The following EP400 variants were observed in gnomAD, a reference collection of about 807,000 sequenced individuals.
EP400 encodes E1A-binding protein p400.
A neutral mutation model predicts 354.1 loss-of-function variants in EP400; 105 were observed. That is an observed-to-expected ratio of 0.30 (90% CI 0.25 to 0.35). EP400 has a LOEUF of 0.35. Ranked by LOEUF, EP400 falls within the 10% of genes least tolerant of loss-of-function variation. The pLI is 1.00. For synonymous variants in EP400, 1,646 were observed against 1,716.9 expected, an observed-to-expected ratio of 0.96 and a Z score of 1.02; for missense variants, 3,280 against 4,121.0, an observed-to-expected ratio of 0.80 and a Z score of 5.59.
intron 2 of EP400, among the ~76,000 whole-genome samples, chr12:131,971,530 T>C (rs1399522334): frequency 1.3e-5 from 2 of 152,214 alleles, no homozygotes; most frequent in African/African-American, 2.4e-5. Context: ...ATGTTCATTC[T>C]ATTTTTAATT....
chr12:132,065,087 C>T, intron 48 of EP400: 1 of 975,542 alleles, frequency 1.0e-6, no homozygotes, highest in Non-Finnish European at 1.5e-6. Context: ...CTCCCAGAGC[C>T]CATCCAGGCA....
chr12:131,983,255 C>T lies in EP400; in HGVS notation c.1929+777C>T, dbSNP rs528862982. Among the ~76,000 whole-genome samples the T allele has an allele frequency of 4.6e-5, 7 of 152,348 alleles. No individual in the cohort carries two copies. In the South Asian group the frequency reaches 1.4e-3, roughly 32 times the overall value. ...GTGCAAAACCATGTTGGACACCACC[C>T]ACCAGACGTGCTCCCTGGACGCCTG... On this transcript the variant is annotated intron_variant, in intron 5 of 52. Coordinates refer to ENST00000389561, the MANE Select transcript of EP400 (RefSeq NM_015409.5).
intron 11 of EP400, 71 bp downstream of exon 11, chr12:131,992,301 C>G (rs1389468389): frequency 7.0e-7 from 1 of 1,428,444 alleles, no homozygotes; most frequent in Non-Finnish European, 9.6e-7. Context: ...GCTGCAGCGA[C>G]TTGGGGTTTA....
chr12:132,043,814 AATTAAAG>A, intron 34 of EP400, 86 bp downstream of exon 34: 1 of 1,244,866 alleles, frequency 8.0e-7, no homozygotes, highest in Non-Finnish European at 1.1e-6. Flanking sequence ...GACTTCATTA[AATTAAAG>A]TCACAAAAGC....
At position 132,077,881 on chromosome 12, in the gene EP400, G is replaced by A. The variant is rs924867031; in HGVS notation, c.*208G>A. 9.0e-6 allele frequency: 6 copies of A among 667,144 alleles called. No individual in the cohort carries two copies. The Admixed American group carries it at 9.9e-5, about 11-fold the overall frequency. 41.3% of individuals were successfully genotyped at this position (667,144 alleles called of 1,614,324 possible). The stretch of plus-strand genomic sequence containing the variant: ...TGGAGTGCCGCGTTCTCTGTACTAC[G>A]TGGCTCATGGAAAAAGTGACAACAT... On this transcript the variant is annotated 3_prime_UTR_variant, in exon 53 of 53. Coordinates refer to ENST00000389561, the MANE Select transcript of EP400 (RefSeq NM_015409.5).
chr12:132,048,975 A>T (rs1895206256), intron 39 of EP400, among the ~76,000 whole-genome samples: 1 of 152,234 alleles, frequency 6.6e-6, no homozygotes, highest in Non-Finnish European at 1.5e-5. Flanking sequence ...AATTTTCTCC[A>T]GGGCCTCTCA....
rs1893827104 is a variant in EP400 at position 132,013,402 on chromosome 12, C to T, written c.3612-88C>T. On this transcript the variant is annotated intron_variant, in intron 17 of 52. Transcript: ENST00000389561. The surrounding 1 kb of genome is among the most constrained non-coding windows in gnomAD (Gnocchi z 4.5). ...ACATTTGCGGTGTCAAATTACTGTC[C>T]CTTTTCTCACACATTGTCAGAGAAG... 5 of 1,478,634 alleles carry T rather than the reference C, an allele frequency of 3.4e-6. No individual in the cohort carries two copies. Among genetic ancestry groups the T allele is most frequent in the Non-Finnish European group, 4.5e-6 (5 of 1,103,100 alleles). The allele number at this position is 1,478,634 out of a possible 1,614,324, so 91.6% of individuals were successfully genotyped here.
At chr12:132,024,982 T>G (rs1894254651) in intron 24 of EP400, among the ~76,000 whole-genome samples, 2 of 152,190 alleles carry the variant, frequency 1.3e-5, no homozygotes, top group South Asian at 4.1e-4. Context: ...ACTGACCTCC[T>G]TAGAGAGACA....
At chr12:132,056,445 A>T (rs1895520105) in intron 45 of EP400, among the ~76,000 whole-genome samples, 1 of 152,030 alleles carries the variant, frequency 6.6e-6, no homozygotes. Context: ...ACACACACAC[A>T]CATTTTCAGT....
intron 32 of EP400, among the ~76,000 whole-genome samples, chr12:132,041,413 G>C (rs1394139646): frequency 2.6e-5 from 4 of 152,262 alleles, no homozygotes; most frequent in Admixed American, 2.6e-4. Flanking sequence ...TCCCCCAGCG[G>C]TGCTGCCTCT....
At position 131,981,429 on chromosome 12, in the gene EP400, C is replaced by G. The variant is rs1387028565; in HGVS notation, c.1436-60C>G. The G allele has an allele frequency of 3.0e-6, 4 of 1,355,656 alleles. No homozygotes were observed. The South Asian group carries it at 3.9e-5, about 13-fold the overall frequency. The allele number at this position is 1,355,656 out of a possible 1,614,324, so 84.0% of individuals were successfully genotyped here. On this transcript the variant is annotated intron_variant, in intron 3 of 52. Transcript: ENST00000389561. Reference sequence around the variant, plus strand: ...ATGATAAAAACACACATGTTTTTTTCTACTACTTCTCTGGTTTTATTTTTA... The same window carrying G: ...ATGATAAAAACACACATGTTTTTTTGTACTACTTCTCTGGTTTTATTTTTA...
At chr12:131,987,375 C>T (rs1455806841) in intron 6 of EP400, among the ~76,000 whole-genome samples, 1 of 152,078 alleles carries the variant, frequency 6.6e-6, no homozygotes, top group Non-Finnish European at 1.5e-5. Flanking sequence ...AAGCAAATTC[C>T]AGACATCCTA....
At chr12:131,973,863 T>C (rs1392322938) in intron 2 of EP400, among the ~76,000 whole-genome samples, 1 of 152,184 alleles carries the variant, frequency 6.6e-6, no homozygotes, top group African/African-American at 2.4e-5. Context: ...TTATGTCTTA[T>C]AAAAACCTCC....
chr12:132,029,776 C>G lies in EP400; in HGVS notation c.5457C>G (p.Ser1819Arg), dbSNP rs752476716. The G allele has an allele frequency of 6.2e-7, 1 of 1,613,564 alleles. No individual in the cohort carries two copies. Among genetic ancestry groups the G allele is most frequent in the Non-Finnish European group, 8.5e-7 (1 of 1,180,052 alleles). The change falls in exon 28 of 53, where the codon AGC becomes AGG. Residue 1819 changes from serine (S) to arginine (R), a missense_variant. By Grantham distance (110) the Ser-to-Arg change is moderately radical. Transcript: ENST00000389561. This position sits in a 1 kb window ranked among gnomAD's most constrained non-coding sequence, Gnocchi z 4.7. The part of the protein sequence containing the change: ...LRVPRPPPLY[S>R]HRMRILRQGL... ...TGCCGCGGCCGCCACCCCTGTACAG[C>G]CACAGAATGAGGATCTTGAGGCAGG...
At chr12:132,012,495 C>T (rs1387635997) in intron 16 of EP400, among the ~76,000 whole-genome samples, 1 of 152,152 alleles carries the variant, frequency 6.6e-6, no homozygotes, top group Non-Finnish European at 1.5e-5. Flanking sequence ...CAAGTTCATC[C>T]TTGAGAGCAG....
rs575002359 is a variant in EP400, at chr12:132,029,123, T to C, written c.5382-578T>C. The C allele has an allele frequency of 5.2e-5, 8 of 153,812 alleles. No homozygotes were observed. Among genetic ancestry groups the C allele is most frequent in the South Asian group, 4.1e-4 (2 of 4,882 alleles). The allele number at this position is 153,812 out of a possible 1,614,324, so 9.5% of individuals were successfully genotyped here. A position where few individuals can be genotyped will look rare whatever the true frequency, so the allele number is the denominator to read the frequency against. On this transcript the variant is annotated intron_variant, in intron 27 of 52. Coordinates refer to ENST00000389561, the MANE Select transcript of EP400 (RefSeq NM_015409.5). The surrounding 1 kb of genome is among the most constrained non-coding windows in gnomAD (Gnocchi z 4.7). ...TTTGTCTTTGTGTACTCCTCCCTCA[T>C]TGAACATCATGGGTGACCATTCGTT...
At chr12:132,062,838 C>T (rs935685320) in intron 47 of EP400, 137 bp downstream of exon 47, 20 of 1,101,118 alleles carry the variant, frequency 1.8e-5, no homozygotes, top group African/African-American at 4.8e-5. Flanking sequence ...ATGTAGGACG[C>T]GTGCTTCGTT....
intron 2 of EP400, among the ~76,000 whole-genome samples, chr12:131,975,859 A>G (rs547710419): frequency 4.6e-5 from 7 of 152,156 alleles, no homozygotes; most frequent in African/African-American, 1.7e-4. Flanking sequence ...CGCCTGGTCA[A>G]TTTAAAATTT....
In EP400 at chr12:132,017,614, C is replaced by G; in HGVS notation, c.4003C>G (p.Pro1335Ala). The stretch of plus-strand genomic sequence containing the variant: ...GCGGCTGCAGCGCATCTGCAACCAC[C>G]CTGGGCTCGTCGAGCCCCGGCACCC... ...LVRLQRICNH[P>A]GLVEPRHPGS... The change falls in exon 20 of 53, where the codon CCT becomes GCT. Residue 1335 changes from proline to alanine, a missense_variant. By Grantham distance (27) the Pro-to-Ala change is conservative. Coordinates refer to ENST00000389561, the MANE Select transcript of EP400 (RefSeq NM_015409.5). The surrounding 1 kb of genome is among the most constrained non-coding windows in gnomAD (Gnocchi z 5.0). 1 of 1,612,628 alleles carries G rather than the reference C, an allele frequency of 6.2e-7. No homozygotes were observed. The highest frequency in any genetic ancestry group is 8.5e-7 in the Non-Finnish European group (1 of 1,179,238).
Sources: allele counts gnomAD v4.1 joint callset (sites outside exome capture counted in the v4.1 genomes callset), GRCh38; gene constraint gnomAD v4.1.1; non-coding constraint Gnocchi (gnomAD v3.1); transcripts MANE v1.5; gene names NCBI Gene and HGNC (gene_info 2026-07-23, HGNC 2026-07-21).